Variants in HEATR5B observed in about 807,000 individuals in gnomAD.
HEATR5B encodes the protein HEAT repeat containing 5B.
In HEATR5B, 156 loss-of-function variants were observed where a neutral mutation model predicts 224.1. The observed-to-expected ratio is 0.70, with a 90% CI of 0.61 to 0.80. The LOEUF (loss-of-function observed/expected upper bound fraction) is 0.80. HEATR5B is among the 30% of genes least tolerant of loss of function. The probability of loss-of-function intolerance (pLI) is 0.00; values close to 1 mark genes in which losing one functional copy is unlikely to be tolerated. For missense variants in HEATR5B, 2,323 were observed against 2,535.5 expected, an observed-to-expected ratio of 0.92 and a Z score of 1.80; for synonymous variants, 1,027 against 893.0, an observed-to-expected ratio of 1.15 and a Z score of -2.68.
chr2:37,029,836 G>A (rs1435918029), intron 22 of HEATR5B, among the ~76,000 whole-genome samples: 1 of 152,022 alleles, frequency 6.6e-6, no homozygotes, highest in East Asian at 1.9e-4. Context: ...CCACTCGGGA[G>A]GCTGAGGCAG....
chr2:37,002,396 T>G lies in HEATR5B; in HGVS notation c.5227A>C (p.Thr1743Pro). The G allele has an allele frequency of 1.2e-6, 2 of 1,614,204 alleles. No individual in the cohort carries two copies. Among genetic ancestry groups the G allele is most frequent in the East Asian group, 4.5e-5 (2 of 44,886 alleles). The change falls in exon 32 of 36, where the codon ACT becomes CCT. Residue 1743 changes from threonine to proline, a missense_variant. Around this residue, in one of 12 missense-constraint regions of HEATR5B, gnomAD observed 844 missense variants for 812.9 expected, o/e 1.04. Transcript: ENST00000233099. ...CTTTCTTCTGATAGTCGAGTTTTAG[T>G]GGCTATGTGACTTGGAGAGTCTGAC... Reference protein sequence around the residue: ...KVSDSPSHIATKTRLSEESAR... With the variant: ...KVSDSPSHIAPKTRLSEESAR...
At chr2:36,988,199 A>C (rs1248792432) in intron 35 of HEATR5B, among the ~76,000 whole-genome samples, 1 of 151,766 alleles carries the variant, frequency 6.6e-6, no homozygotes, top group Non-Finnish European at 1.5e-5. Flanking sequence ...CTTCCTGCTC[A>C]AAAACAAACA....
At position 37,028,194 on chromosome 2, in the gene HEATR5B, T is replaced by C; in HGVS notation, c.3602-20A>G. The stretch of plus-strand genomic sequence containing the variant: ...TCATATCTATAACAAGAATAAGGAA[T>C]ATTGTAACAATCTCACATAAGCAAA... On this transcript the variant is annotated intron_variant, in intron 23 of 35. Coordinates refer to ENST00000233099, the MANE Select transcript of HEATR5B (RefSeq NM_019024.3). The C allele has an allele frequency of 2.0e-6, 3 of 1,529,328 alleles. No individual in the cohort carries two copies. Among genetic ancestry groups the C allele is most frequent in the Non-Finnish European group, 2.7e-6 (3 of 1,123,210 alleles). The allele number at this position is 1,529,328 out of a possible 1,614,324, so 94.7% of individuals were successfully genotyped here. A position where few individuals can be genotyped will look rare whatever the true frequency, so the allele number is the denominator to read the frequency against.
chr2:37,073,981 A>G (rs970245476), intron 5 of HEATR5B, among the ~76,000 whole-genome samples: 3 of 152,204 alleles, frequency 2.0e-5, no homozygotes, highest in Non-Finnish European at 2.9e-5. Context: ...GATTTTCAAC[A>G]AAGGGTGTAA....
At chr2:37,031,420 T>TTTTTC (rs1669121872) in intron 22 of HEATR5B, among the ~76,000 whole-genome samples, 2 of 147,674 alleles carry the variant, frequency 1.4e-5, no homozygotes, top group African/African-American at 4.9e-5. Context: ...TGTTTTTCTG[T>TTTTTC]TTTTCTTTTC....
At chr2:37,030,448 A>G (rs1398954675) in intron 22 of HEATR5B, among the ~76,000 whole-genome samples, 1 of 152,256 alleles carries the variant, frequency 6.6e-6, no homozygotes, top group Non-Finnish European at 1.5e-5. Context: ...GGGAAAATTA[A>G]TTGATTAATC....
intron 35 of HEATR5B, among the ~76,000 whole-genome samples, chr2:36,985,441 G>A (rs950065567): frequency 6.7e-6 from 1 of 148,506 alleles, no homozygotes; most frequent in African/African-American, 2.5e-5. Context: ...AAGAAATCAC[G>A]ATGGTGCTTT....
rs1667479794 is a variant in HEATR5B at position 37,007,246 on chromosome 2, G to A, written c.4581C>T (p.Ser1527=). The A allele has an allele frequency of 6.2e-7, 1 of 1,613,692 alleles. No individual in the cohort carries two copies. Among genetic ancestry groups the A allele is most frequent in the African/African-American group, 1.3e-5 (1 of 74,800 alleles). Reference sequence around the variant, plus strand: ...CCACCGCATGGAGAATTGGGGCCCAGGAATTCCGATAGTGAAGTCTAGCTG... The same window carrying A: ...CCACCGCATGGAGAATTGGGGCCCAAGAATTCCGATAGTGAAGTCTAGCTG... ...IDTARLHYRN[S]WAPILHAVAL... The change falls in exon 29 of 36, where the codon TCC becomes TCT. Residue 1527 remains serine (S), a synonymous_variant. Coordinates refer to ENST00000233099, the MANE Select transcript of HEATR5B (RefSeq NM_019024.3).
At chr2:37,041,028 A>G in intron 19 of HEATR5B, 105 bp downstream of exon 19, 1 of 842,422 alleles carries the variant, frequency 1.2e-6, no homozygotes, top group Non-Finnish European at 1.8e-6. Context: ...AAACCCTAAT[A>G]TATTTGTCCT....
intron 3 of HEATR5B, 141 bp downstream of exon 3, chr2:37,078,979 C>T (rs912035259): frequency 9.8e-6 from 5 of 511,264 alleles, no homozygotes; most frequent in East Asian, 3.2e-5. Context: ...CATCACAACT[C>T]GATCCACTTA....
chr2:37,076,680 T>C (rs1572947984), intron 4 of HEATR5B, among the ~76,000 whole-genome samples: 1 of 146,740 alleles, frequency 6.8e-6, no homozygotes, highest in African/African-American at 2.5e-5. Flanking sequence ...AATCCAAAAG[T>C]ACCATAGGAC....
chr2:37,032,910 T>C, intron 21 of HEATR5B, 137 bp from the exon 22 acceptor site: 1 of 727,514 alleles, frequency 1.4e-6, no homozygotes, highest in East Asian at 3.0e-5. Flanking sequence ...GACAGAGTTT[T>C]GCTCTTGTTG....
intron 35 of HEATR5B, among the ~76,000 whole-genome samples, chr2:36,987,646 A>G (rs1286043616): frequency 6.6e-6 from 1 of 152,182 alleles, no homozygotes; most frequent in African/African-American, 2.4e-5. Context: ...GTTTTTCATT[A>G]AATTAAAAAA....
At chr2:37,053,777 A>G (rs981996340) in intron 16 of HEATR5B, among the ~76,000 whole-genome samples, 170 bp from the exon 17 acceptor site, 1 of 152,110 alleles carries the variant, frequency 6.6e-6, no homozygotes, top group African/African-American at 2.4e-5. Flanking sequence ...CTCCCAAAAT[A>G]TTATATGGAC....
intron 33 of HEATR5B, among the ~76,000 whole-genome samples, chr2:36,998,068 T>C (rs548234206): frequency 6.6e-6 from 1 of 152,270 alleles, no homozygotes; most frequent in Non-Finnish European, 1.5e-5. Context: ...CATGGATGAA[T>C]GTCTGTTTCA....
At chr2:37,067,500 G>A (rs1432813170) in intron 8 of HEATR5B, among the ~76,000 whole-genome samples, 1 of 152,114 alleles carries the variant, frequency 6.6e-6, no homozygotes, top group Non-Finnish European at 1.5e-5. Flanking sequence ...TGGGCGTGGT[G>A]GCTCATACCT....
chr2:37,038,927 A>G (rs1185481922), intron 20 of HEATR5B, among the ~76,000 whole-genome samples: 2 of 148,206 alleles, frequency 1.3e-5, no homozygotes, highest in Non-Finnish European at 3.0e-5. Flanking sequence ...GGGGAATCAC[A>G]TATTTTTCAA....
chr2:37,037,129 G>A (rs1165489349), intron 21 of HEATR5B, among the ~76,000 whole-genome samples: 3 of 88,320 alleles, frequency 3.4e-5, no homozygotes, highest in Admixed American at 3.2e-4. Flanking sequence ...ATTCCGAGTA[G>A]GAAAACTAAA....
rs1665570295 is a variant in HEATR5B, at chr2:36,981,365, C to T, written c.*125G>A. ...TGTGAGCATTATTTCACTTAACCTA[C>T]TTGGAAGCACTATAATACCAATATA... On this transcript the variant is annotated 3_prime_UTR_variant, in exon 36 of 36. Transcript: ENST00000233099. 4 of 626,184 alleles carry T rather than the reference C, an allele frequency of 6.4e-6. No individual in the cohort carries two copies. In the African/African-American group the frequency reaches 7.5e-5, roughly 12 times the overall value. 38.8% of individuals were successfully genotyped at this position (626,184 alleles called of 1,614,324 possible). A position where few individuals can be genotyped will look rare whatever the true frequency, so the allele number is the denominator to read the frequency against.
Sources: allele counts gnomAD v4.1 joint callset (sites outside exome capture counted in the v4.1 genomes callset), GRCh38; gene constraint gnomAD v4.1.1; regional missense constraint gnomAD v4.1.1; transcripts MANE v1.5; gene names NCBI Gene and HGNC (gene_info 2026-07-23, HGNC 2026-07-21).